Variants in NRG1 observed in about 807,000 individuals in gnomAD.
The protein encoded by NRG1 is neuregulin 1.
Under a neutral mutation model 63.8 loss-of-function variants are expected in NRG1, and 18 were observed. The ratio of observed to expected loss-of-function variants is 0.28; its 90% CI spans 0.19 to 0.42. The LOEUF (loss-of-function observed/expected upper bound fraction) is 0.42. Ranked by LOEUF, NRG1 falls within the 10% of genes least tolerant of loss-of-function variation. The probability of loss-of-function intolerance (pLI) is 1.00; values close to 1 mark genes in which losing one functional copy is unlikely to be tolerated. For synonymous variants in NRG1, 302 were observed against 301.3 expected (o/e 1.00, Z -0.02); for missense variants, 762 against 814.7 (o/e 0.94, Z 0.79).
At chr8:31,700,027 G>T (rs538782526) in intron 1 of NRG1, among the ~76,000 whole-genome samples, 1 of 152,242 alleles carries the variant, frequency 6.6e-6, no homozygotes, top group Admixed American at 6.5e-5. Flanking sequence ...AGACATAGTC[G>T]ATATAGGTGG....
At chr8:31,652,465 G>A (rs13272798) in intron 1 of NRG1, among the ~76,000 whole-genome samples, 28,364 of 152,124 alleles carry the variant, frequency 0.19, 3,299 homozygotes, top group East Asian at 0.28. Flanking sequence ...CCTTTGAATG[G>A]CATGTGAGGG....
intron 1 of NRG1, among the ~76,000 whole-genome samples, chr8:31,984,899 A>T (rs1809787947): frequency 6.6e-6 from 1 of 152,154 alleles, no homozygotes; most frequent in Admixed American, 6.6e-5. Flanking sequence ...CAGTGAAATT[A>T]GCTGTTGAAA....
chr8:32,569,386 A>G (rs13255543), intron 1 of NRG1, among the ~76,000 whole-genome samples: 80,519 of 152,048 alleles, frequency 0.53, 23,135 homozygotes, highest in East Asian at 0.85. Flanking sequence ...TGCTGTGCGT[A>G]CTGTGTGTGC....
intron 1 of NRG1, among the ~76,000 whole-genome samples, chr8:31,705,140 G>C (rs945673986): frequency 6.6e-6 from 1 of 151,924 alleles, no homozygotes; most frequent in Admixed American, 6.6e-5. Context: ...GGGTTCAAGC[G>C]ATTCTCCTGC....
At chr8:32,308,331 G>A (rs546519535) in intron 1 of NRG1, among the ~76,000 whole-genome samples, 1 of 152,234 alleles carries the variant, frequency 6.6e-6, no homozygotes, top group African/African-American at 2.4e-5. Flanking sequence ...GCTGCCATGT[G>A]TTTGCTCTCT....
chr8:31,919,759 C>G (rs1220619610), intron 1 of NRG1, among the ~76,000 whole-genome samples: 2 of 152,060 alleles, frequency 1.3e-5, no homozygotes, highest in East Asian at 3.9e-4. Flanking sequence ...GATTCTTACT[C>G]TCAAAGAGCT....
chr8:32,392,749 G>A (rs982288478), intron 1 of NRG1, among the ~76,000 whole-genome samples: 8 of 152,182 alleles, frequency 5.3e-5, no homozygotes, highest in African/African-American at 1.9e-4. Flanking sequence ...CGGGCCTCAT[G>A]ATGTGTTTGA....
chr8:31,814,420 A>C (rs1475772150), intron 1 of NRG1, among the ~76,000 whole-genome samples: 1 of 152,202 alleles, frequency 6.6e-6, no homozygotes, highest in Non-Finnish European at 1.5e-5. Context: ...CTATAGGGTG[A>C]CTTGAAACCA....
At chr8:32,306,539 A>G (rs1856202777) in intron 1 of NRG1, among the ~76,000 whole-genome samples, 1 of 152,224 alleles carries the variant, frequency 6.6e-6, no homozygotes, top group Admixed American at 6.5e-5. Flanking sequence ...GAGTCTGGAC[A>G]CTAGAGAATT....
At chr8:32,595,937 G>T (rs1444140488) in exon 2 of NRG1, 1 of 1,613,676 alleles carries the variant, frequency 6.2e-7, no homozygotes, top group South Asian at 1.1e-5. Flanking sequence ...GATTCAAGTG[G>T]TTCAAGAATG....
intron 5 of NRG1, among the ~76,000 whole-genome samples, chr8:32,675,324 A>G (rs1252884590): frequency 6.6e-6 from 1 of 152,230 alleles, no homozygotes; most frequent in Non-Finnish European, 1.5e-5. Flanking sequence ...TATTTGCAAA[A>G]GATATTTTTA....
intron 1 of NRG1, among the ~76,000 whole-genome samples, chr8:32,457,133 AAAATAAAT>A (rs536837503): frequency 1.3e-5 from 2 of 152,268 alleles, no homozygotes; most frequent in African/African-American, 4.8e-5. Flanking sequence ...CTTTCTCAAA[AAAATAAAT>A]AAATAAATAA....
chr8:32,738,057 A>C (rs1825527336), intron 6 of NRG1, among the ~76,000 whole-genome samples: 1 of 152,088 alleles, frequency 6.6e-6, no homozygotes. Flanking sequence ...ATTTTGTGAG[A>C]GCCTATTATG....
chr8:32,176,943 A>G (rs898348807), intron 1 of NRG1, among the ~76,000 whole-genome samples: 1 of 152,190 alleles, frequency 6.6e-6, no homozygotes, highest in Non-Finnish European at 1.5e-5. Flanking sequence ...ATCTAGAACT[A>G]GAAATACCAT....
chr8:32,358,072 G>C lies in NRG1; in HGVS notation c.38-237756G>C, dbSNP rs189036866. On this transcript the variant is annotated intron_variant, in intron 1 of 10. Transcript: ENST00000519301. Reference sequence around the variant, plus strand: ...ACATGTTTGGTGAGATTTCCAGGAAGGATGCTCAAGTGGAGATGACTAAGT... The same window carrying C: ...ACATGTTTGGTGAGATTTCCAGGAACGATGCTCAAGTGGAGATGACTAAGT... Among the ~76,000 whole-genome samples the C allele has an allele frequency of 1.0e-3, 159 of 152,268 alleles. 1 individual carries two copies. The highest frequency in any genetic ancestry group is 3.6e-3 in the African/African-American group (151 of 41,572).
At chr8:31,929,052 C>T (rs1002385084) in intron 1 of NRG1, among the ~76,000 whole-genome samples, 2 of 152,138 alleles carry the variant, frequency 1.3e-5, no homozygotes, top group Non-Finnish European at 2.9e-5. Context: ...CTGTTGCCTA[C>T]TCCACAGCCA....
At chr8:32,754,558 A>G (rs555739621) in intron 8 of NRG1, 84 bp downstream of exon 8, 2 of 1,243,982 alleles carry the variant, frequency 1.6e-6, no homozygotes, top group African/African-American at 1.5e-5. Flanking sequence ...TCTGAGCTCC[A>G]CAGCCTAGTC....
At chr8:32,394,064 C>G (rs759006511) in intron 1 of NRG1, among the ~76,000 whole-genome samples, 12 of 152,216 alleles carry the variant, frequency 7.9e-5, no homozygotes, top group Middle Eastern at 3.4e-3. Flanking sequence ...CTGCCTGGTT[C>G]CTCCACTCTT....
intron 5 of NRG1, among the ~76,000 whole-genome samples, chr8:32,639,734 G>A (rs6985669): frequency 0.027 from 4,113 of 152,278 alleles, 81 homozygotes; most frequent in Middle Eastern, 0.092. Context: ...CTACATTTCT[G>A]GGTTGATTGG....
Sources: allele counts gnomAD v4.1 joint callset (sites outside exome capture counted in the v4.1 genomes callset), GRCh38; gene constraint gnomAD v4.1.1; transcripts MANE v1.5; gene names NCBI Gene and HGNC (gene_info 2026-07-23, HGNC 2026-07-21).